The following FRAS1 variants were observed in gnomAD, a reference collection of about 807,000 sequenced individuals.
FRAS1 encodes the protein extracellular matrix organizing protein FRAS1.
Under a neutral mutation model 435.2 loss-of-function variants are expected in FRAS1, and 290 were observed. That is an observed-to-expected ratio of 0.67 (90% CI 0.61 to 0.73). The LOEUF is 0.73. Ranked by LOEUF, FRAS1 falls within the 30% of genes least tolerant of loss-of-function variation. The pLI is 0.00. For synonymous variants in FRAS1, 1,800 were observed against 1,851.0 expected, an observed-to-expected ratio of 0.97 and a Z score of 0.71; for missense variants, 4,860 against 5,001.5, an observed-to-expected ratio of 0.97 and a Z score of 0.85.
At chr4:78,279,309 T>C (rs1004302079) in intron 10 of FRAS1, among the ~76,000 whole-genome samples, 3 of 152,222 alleles carry the variant, frequency 2.0e-5, no homozygotes, top group African/African-American at 4.8e-5. Flanking sequence ...GTCTAGTAAG[T>C]AGCCTGGAGG....
chr4:78,313,168 C>T (rs769340292), intron 15 of FRAS1, among the ~76,000 whole-genome samples: 3 of 152,144 alleles, frequency 2.0e-5, no homozygotes, highest in Non-Finnish European at 2.9e-5. Flanking sequence ...GAATTGGAAA[C>T]CTCAGGAGGT....
chr4:78,093,671 G>A (rs1741644153), intron 2 of FRAS1, among the ~76,000 whole-genome samples: 1 of 152,076 alleles, frequency 6.6e-6, no homozygotes, highest in Non-Finnish European at 1.5e-5. Flanking sequence ...TGTAAGTAGA[G>A]GTACTTATTA....
intron 18 of FRAS1, among the ~76,000 whole-genome samples, chr4:78,321,941 T>A (rs1729527513): frequency 6.6e-6 from 1 of 152,104 alleles, no homozygotes; most frequent in Admixed American, 6.5e-5. Flanking sequence ...CTTGTAGCCC[T>A]GTGACTTTAT....
At chr4:78,287,455 G>A (rs1179062016) in intron 14 of FRAS1, among the ~76,000 whole-genome samples, 4 of 152,174 alleles carry the variant, frequency 2.6e-5, no homozygotes, top group African/African-American at 7.2e-5. Context: ...AGGGTGTGTA[G>A]TGGCAGGGAA....
chr4:78,105,890 C>T lies in FRAS1; in HGVS notation c.108+39874C>T, dbSNP rs552252095. On this transcript the variant is annotated intron_variant, in intron 2 of 73. Coordinates refer to ENST00000512123, the MANE Select transcript of FRAS1 (RefSeq NM_025074.7). ...CAGTGGGCGCAGGCCAGTGTGTGCG[C>T]GCACCGTGCGCGAGCCGAAGCAGGG... Among the ~76,000 whole-genome samples, 627 of 136,492 alleles carry T rather than the reference C, an allele frequency of 4.6e-3. 54 individuals are homozygous for T. Among genetic ancestry groups the T allele is most frequent in the Admixed American group, 8.1e-3 (107 of 13,212 alleles). The allele number at this position is 136,492 out of a possible 152,430, so 89.5% of individuals were successfully genotyped here.
intron 2 of FRAS1, among the ~76,000 whole-genome samples, chr4:78,102,957 G>A (rs940412589): frequency 6.6e-6 from 1 of 152,204 alleles, no homozygotes; most frequent in African/African-American, 2.4e-5. Flanking sequence ...CACATCTGGA[G>A]TATATCAGTA....
At chr4:78,171,023 C>T (rs778490051) in intron 2 of FRAS1, among the ~76,000 whole-genome samples, 3 of 152,004 alleles carry the variant, frequency 2.0e-5, no homozygotes, top group Non-Finnish European at 2.9e-5. Context: ...TAGGCACAGT[C>T]AAGTTCACAA....
At chr4:78,195,285 G>C (rs564009291) in intron 2 of FRAS1, among the ~76,000 whole-genome samples, 2 of 152,332 alleles carry the variant, frequency 1.3e-5, no homozygotes, top group East Asian at 1.9e-4. Flanking sequence ...GAGAACCACT[G>C]CTCTCCTCAA....
At chr4:78,538,031 A>G (rs1450916582) in intron 72 of FRAS1, among the ~76,000 whole-genome samples, 2 of 152,156 alleles carry the variant, frequency 1.3e-5, no homozygotes, top group Admixed American at 6.5e-5. Context: ...TTCTTCATAC[A>G]CTTTAGACAA....
chr4:78,090,118 C>G (rs1369255954), intron 2 of FRAS1, among the ~76,000 whole-genome samples: 1 of 152,180 alleles, frequency 6.6e-6, no homozygotes, highest in Non-Finnish European at 1.5e-5. Context: ...TAAACCTGTG[C>G]TTCCTTGCTG....
chr4:78,436,656 G>A (rs1734440431), intron 38 of FRAS1, among the ~76,000 whole-genome samples: 1 of 151,906 alleles, frequency 6.6e-6, no homozygotes, highest in South Asian at 2.1e-4. Flanking sequence ...ACGTCCAACA[G>A]TATAGATGGA....
intron 29 of FRAS1, among the ~76,000 whole-genome samples, chr4:78,392,582 T>A (rs1732490342): frequency 6.6e-6 from 1 of 152,116 alleles, no homozygotes; most frequent in South Asian, 2.1e-4. Context: ...GGCTAAGCTT[T>A]ATTACCATTT....
intron 2 of FRAS1, among the ~76,000 whole-genome samples, chr4:78,140,750 C>CAT (rs1720142510): frequency 6.8e-6 from 1 of 147,180 alleles, no homozygotes; most frequent in African/African-American, 2.6e-5. Flanking sequence ...TATGTATATA[C>CAT]GTGTGTGTAT....
intron 2 of FRAS1, among the ~76,000 whole-genome samples, chr4:78,099,764 T>C (rs1233653154): frequency 2.0e-5 from 3 of 152,158 alleles, no homozygotes; most frequent in Non-Finnish European, 4.4e-5. Context: ...GTATGTTGGA[T>C]ATAAATGAGG....
chr4:78,438,823 AT>A, intron 39 of FRAS1, 78 bp from the exon 40 acceptor site: 2 of 1,507,096 alleles, frequency 1.3e-6, no homozygotes, highest in African/African-American at 1.4e-5. Flanking sequence ...GTTTGGCCCC[AT>A]TTTTAAACAA....
At chr4:78,171,246 A>G (rs1331355125) in intron 2 of FRAS1, among the ~76,000 whole-genome samples, 1 of 151,988 alleles carries the variant, frequency 6.6e-6, no homozygotes, top group Non-Finnish European at 1.5e-5. Flanking sequence ...GCTTTCCTCG[A>G]GCTCACCCTC....
At chr4:78,527,872 G>A (rs1721590140) in intron 70 of FRAS1, among the ~76,000 whole-genome samples, 1 of 152,174 alleles carries the variant, frequency 6.6e-6, no homozygotes, top group East Asian at 1.9e-4. Context: ...GGGGAAAGTT[G>A]ATGATGCAGG....
intron 28 of FRAS1, among the ~76,000 whole-genome samples, chr4:78,385,854 C>T (rs1357995783): frequency 6.7e-6 from 1 of 150,154 alleles, no homozygotes; most frequent in African/African-American, 2.5e-5. Flanking sequence ...CACTGCACTC[C>T]AGCCTGGGCA....
intron 2 of FRAS1, among the ~76,000 whole-genome samples, chr4:78,137,375 G>T (rs1454051593): frequency 6.6e-6 from 1 of 152,092 alleles, no homozygotes; most frequent in Non-Finnish European, 1.5e-5. Context: ...GTGTTGGTGT[G>T]TGTATATAAA....
Sources: allele counts gnomAD v4.1 joint callset (sites outside exome capture counted in the v4.1 genomes callset), GRCh38; gene constraint gnomAD v4.1.1; transcripts MANE v1.5; gene names NCBI Gene and HGNC (gene_info 2026-07-23, HGNC 2026-07-21).